Variants in SIPA1L1 observed in about 807,000 individuals in gnomAD.
SIPA1L1 encodes the protein signal-induced proliferation-associated 1-like protein 1.
A neutral mutation model predicts 162.7 loss-of-function variants in SIPA1L1; 26 were observed. The ratio of observed to expected loss-of-function variants is 0.16; its 90% CI spans 0.12 to 0.22. The LOEUF is 0.22. Ranked by LOEUF, SIPA1L1 falls within the 10% of genes least tolerant of loss-of-function variation. The pLI is 1.00. For synonymous variants in SIPA1L1, 829 were observed against 837.4 expected, an observed-to-expected ratio of 0.99 and a Z score of 0.17; for missense variants, 1,874 against 2,241.0, an observed-to-expected ratio of 0.84 and a Z score of 3.31.
Position 71,589,218 on chromosome 14 carries a change from C to A in SIPA1L1, c.1346C>A (p.Ser449Tyr). Residue 449 changes from serine (S) to tyrosine (Y), a missense_variant, in exon 5 of 24, where the codon TCT becomes TAT. By Grantham distance (144) the Ser-to-Tyr change is moderately radical (BLOSUM62 -2). Coordinates refer to ENST00000381232, the MANE Select transcript of SIPA1L1 (RefSeq NM_001386936.1). ...GGATGTGAAAGTGCCTCCTTTGAGT[C>A]TACCCTTAGTTCCCATTGCACAAAT... ...FSGCESASFE[S>Y]TLSSHCTNAG... 1.2e-6 allele frequency: 2 copies of A among 1,614,090 alleles called. No homozygotes were observed. Among genetic ancestry groups the A allele is most frequent in the Middle Eastern group, 1.6e-4 (1 of 6,062 alleles).
At chr14:71,396,581 G>C (rs1275397834) in intron 2 of SIPA1L1, among the ~76,000 whole-genome samples, 1 of 152,168 alleles carries the variant, frequency 6.6e-6, no homozygotes, top group Non-Finnish European at 1.5e-5. Flanking sequence ...TTTGGTCCAA[G>C]TGGTCAGTTA....
chr14:71,598,154 G>A, intron 5 of SIPA1L1: 2 of 943,226 alleles, frequency 2.1e-6, no homozygotes, highest in Non-Finnish European at 1.3e-6. Context: ...AGACAGGTCT[G>A]TGTGTGGTCA....
At chr14:71,715,618 A>T (rs1181567936) in intron 17 of SIPA1L1, among the ~76,000 whole-genome samples, 1 of 152,230 alleles carries the variant, frequency 6.6e-6, no homozygotes, top group Non-Finnish European at 1.5e-5. Context: ...TGTTGAAAAT[A>T]AAAAAGATTA....
chr14:71,466,171 T>C (rs896071893), intron 2 of SIPA1L1, among the ~76,000 whole-genome samples: 1 of 151,846 alleles, frequency 6.6e-6, no homozygotes, highest in Non-Finnish European at 1.5e-5. Context: ...ACTTTAGGGG[T>C]GTTTTGAGCA....
chr14:71,471,476 A>G (rs2047457269), intron 2 of SIPA1L1, among the ~76,000 whole-genome samples: 2 of 152,212 alleles, frequency 1.3e-5, no homozygotes, highest in South Asian at 2.1e-4. Context: ...CTTGGGGGAA[A>G]AAAGTGTGAG....
intron 2 of SIPA1L1, among the ~76,000 whole-genome samples, chr14:71,375,934 A>G (rs1430098756): frequency 6.6e-6 from 1 of 152,114 alleles, no homozygotes; most frequent in South Asian, 2.1e-4. Flanking sequence ...CTCATGGTAT[A>G]CCTTTTTATA....
chr14:71,513,962 A>G (rs2051437496), intron 3 of SIPA1L1, among the ~76,000 whole-genome samples: 2 of 152,096 alleles, frequency 1.3e-5, no homozygotes, highest in African/African-American at 2.4e-5. Context: ...AAGGCCTTTC[A>G]TTACCGGCGG....
chr14:71,433,694 G>T (rs546947905), intron 2 of SIPA1L1, among the ~76,000 whole-genome samples: 16 of 152,070 alleles, frequency 1.1e-4, no homozygotes, highest in African/African-American at 3.9e-4. Context: ...CCAAAACTTT[G>T]TCAAAATCGG....
chr14:71,530,793 TC>T (rs1425823609), intron 4 of SIPA1L1, among the ~76,000 whole-genome samples: 1 of 152,244 alleles, frequency 6.6e-6, no homozygotes, highest in Admixed American at 6.5e-5. Flanking sequence ...TTTGTGTTCT[TC>T]CCACATAGTG....
chr14:71,737,254 G>A (rs1020436730), intron 22 of SIPA1L1, among the ~76,000 whole-genome samples: 2 of 152,172 alleles, frequency 1.3e-5, no homozygotes, highest in African/African-American at 2.4e-5. Context: ...GTCAGGAATT[G>A]TAACTTGAAT....
At chr14:71,592,082 A>G (rs559400446) in intron 5 of SIPA1L1, among the ~76,000 whole-genome samples, 2 of 152,306 alleles carry the variant, frequency 1.3e-5, no homozygotes, top group East Asian at 1.9e-4. Context: ...GCACCTAGGG[A>G]TCACCCACTA....
At chr14:71,468,660 G>T (rs1258204030) in intron 2 of SIPA1L1, among the ~76,000 whole-genome samples, 1 of 152,200 alleles carries the variant, frequency 6.6e-6, no homozygotes, top group Admixed American at 6.5e-5. Context: ...GGTCTCATGA[G>T]ATTCGGACAG....
chr14:71,489,829 G>A (rs923769727), intron 2 of SIPA1L1, among the ~76,000 whole-genome samples: 2 of 152,172 alleles, frequency 1.3e-5, no homozygotes, highest in Non-Finnish European at 1.5e-5. Flanking sequence ...GCTGTGGGTT[G>A]GACAGGCTTG....
intron 5 of SIPA1L1, among the ~76,000 whole-genome samples, chr14:71,615,647 G>A (rs2038752614): frequency 6.6e-6 from 1 of 152,150 alleles, no homozygotes; most frequent in Non-Finnish European, 1.5e-5. Context: ...GGTTTCTGTG[G>A]GAAGGTGATA....
Position 71,523,185 on chromosome 14 carries a change from T to G in SIPA1L1, c.-361-6127T>G, listed in dbSNP as rs74594749. 1.9e-3 allele frequency among the ~76,000 whole-genome samples: 293 copies of G among 152,236 alleles called. 3 individuals are homozygous for G. Among genetic ancestry groups the G allele is most frequent in the Middle Eastern group, 0.017 (5 of 294 alleles). ...TTCTGTTTGGTTATTTACAGTCCCTTATTTGCTCATATTTTCAAACTTCTC... is the reference window on the plus strand; with the variant it reads ...TTCTGTTTGGTTATTTACAGTCCCTGATTTGCTCATATTTTCAAACTTCTC... On this transcript the variant is annotated intron_variant, in intron 3 of 23. Coordinates refer to ENST00000381232, the MANE Select transcript of SIPA1L1 (RefSeq NM_001386936.1).
chr14:71,434,181 ATTC>A (rs2044207204), intron 2 of SIPA1L1, among the ~76,000 whole-genome samples: 1 of 152,236 alleles, frequency 6.6e-6, no homozygotes, highest in Admixed American at 6.5e-5. Flanking sequence ...TATTTGTCAG[ATTC>A]TTTGAGTACA....
chr14:71,715,249 A>G (rs2083181237), intron 17 of SIPA1L1, among the ~76,000 whole-genome samples: 2 of 152,224 alleles, frequency 1.3e-5, no homozygotes, highest in East Asian at 3.8e-4. Flanking sequence ...TTGGTCAGCT[A>G]TGTGGCCTGT....
intron 7 of SIPA1L1, among the ~76,000 whole-genome samples, chr14:71,625,391 C>T (rs550535215): frequency 1.4e-3 from 208 of 152,124 alleles, no homozygotes; most frequent in Non-Finnish European, 2.5e-3. Flanking sequence ...CCTCTGCCTC[C>T]CAGGTTCAAG....
At chr14:71,651,450 A>G (rs2042609328) in intron 8 of SIPA1L1, among the ~76,000 whole-genome samples, 1 of 152,210 alleles carries the variant, frequency 6.6e-6, no homozygotes, top group Non-Finnish European at 1.5e-5. Context: ...TGCTGTTGCC[A>G]ACTTGGAAAC....
Sources: gnomAD v4.1 joint callset for allele counts (sites outside exome capture counted in the v4.1 genomes callset) on GRCh38, gnomAD v4.1.1 for gene constraint, MANE v1.5 for transcripts, NCBI Gene and HGNC (gene_info 2026-07-23, HGNC 2026-07-21) for gene names.